Variants in ARFGEF3 observed in about 807,000 individuals in gnomAD.
ARFGEF3 encodes the protein ARFGEF family member 3, also known as brefeldin A-inhibited guanine nucleotide-exchange protein 3.
In ARFGEF3, 96 loss-of-function variants were observed where a neutral mutation model predicts 221.7. The observed-to-expected ratio is 0.43, with a 90% CI of 0.37 to 0.51. The LOEUF (loss-of-function observed/expected upper bound fraction) is 0.51, where lower values mean the gene tolerates loss of function less well. Ranked by LOEUF, ARFGEF3 falls within the 20% of genes least tolerant of loss-of-function variation. The pLI is 0.00. For synonymous variants in ARFGEF3, 1,145 were observed against 1,126.8 expected (o/e 1.02, Z -0.32); for missense variants, 2,410 against 2,789.9 (o/e 0.86, Z 3.07).
chr6:138,229,671 G>C, intron 4 of ARFGEF3, 113 bp from the exon 5 acceptor site: 1 of 795,922 alleles, frequency 1.3e-6, no homozygotes, highest in Admixed American at 2.1e-5. Context: ...ATTAGGTAAA[G>C]CAAATAGCAA....
At position 138,255,723 on chromosome 6, in the gene ARFGEF3, AC is replaced by A. The variant is rs147530147; in HGVS notation, c.1064del (p.Pro355HisfsTer11). 3.1e-6 allele frequency: 5 copies of A among 1,601,798 alleles called. No homozygotes were observed. Among genetic ancestry groups the A allele is most frequent in the Non-Finnish European group, 4.3e-6 (5 of 1,171,832 alleles). On this transcript the variant is annotated frameshift_variant, in exon 10 of 34. Coordinates refer to ENST00000251691, the MANE Select transcript of ARFGEF3 (RefSeq NM_020340.5). LOFTEE classifies it high-confidence loss of function. The part of the protein sequence containing the change: ...LQSLYHRVLL[Y>X]PPPQHRVEAI... Reference sequence around the variant, plus strand: ...TCCCTCTACCACCGAGTGCTGCTCTACCCCCCACCCCAGCACCGGGTGGAAG... The same window carrying A: ...TCCCTCTACCACCGAGTGCTGCTCTACCCCCACCCCAGCACCGGGTGGAAG...
intron 8 of ARFGEF3, among the ~76,000 whole-genome samples, chr6:138,249,020 C>T (rs1450625030): frequency 1.3e-5 from 2 of 152,112 alleles, no homozygotes; most frequent in East Asian, 3.9e-4. Flanking sequence ...TCCAGCCACC[C>T]AGGAACCCCC....
chr6:138,298,140 T>A (rs1277362081), intron 21 of ARFGEF3, among the ~76,000 whole-genome samples: 2 of 152,190 alleles, frequency 1.3e-5, no homozygotes, highest in Non-Finnish European at 2.9e-5. Context: ...AGGAAAGGAT[T>A]ACTCAAGAGC....
At chr6:138,328,249 A>AT (rs1562217970) in intron 32 of ARFGEF3, 107 bp downstream of exon 32, 10 of 1,294,116 alleles carry the variant, frequency 7.7e-6, no homozygotes, top group Admixed American at 5.7e-5. Flanking sequence ...TACTGAAAAC[A>AT]TTTGTGGAGT....
chr6:138,264,146 G>A (rs1405495156), intron 12 of ARFGEF3, among the ~76,000 whole-genome samples: 1 of 152,108 alleles, frequency 6.6e-6, no homozygotes, highest in Non-Finnish European at 1.5e-5. Flanking sequence ...CCTTCCATCT[G>A]TTGAATTGTG....
intron 4 of ARFGEF3, among the ~76,000 whole-genome samples, chr6:138,222,161 G>A (rs962887750): frequency 1.3e-5 from 2 of 152,132 alleles, no homozygotes; most frequent in Admixed American, 6.5e-5. Context: ...TAGAGCAGGG[G>A]CTTCCAATCT....
chr6:138,209,778 G>A, intron 3 of ARFGEF3, 132 bp from the exon 4 acceptor site: 8 of 1,159,752 alleles, frequency 6.9e-6, no homozygotes, highest in African/African-American at 1.5e-5. Flanking sequence ...CATAGCGTAA[G>A]TTCTTTCTTA....
chr6:138,299,198 TAAAAAAA>T (rs60475752), intron 22 of ARFGEF3, among the ~76,000 whole-genome samples: 923 of 39,412 alleles, frequency 0.023, 27 homozygotes, highest in African/African-American at 0.058. Context: ...CGAGACTCTG[TAAAAAAA>T]AAAAAAAAAA....
intron 1 of ARFGEF3, among the ~76,000 whole-genome samples, chr6:138,168,318 A>G (rs918593305): frequency 2.6e-5 from 4 of 152,248 alleles, no homozygotes; most frequent in African/African-American, 9.6e-5. Flanking sequence ...CCATTTAAAT[A>G]GGGTATTCAC....
chr6:138,226,284 G>A lies in ARFGEF3; in HGVS notation c.352-3500G>A, dbSNP rs948070811. Among the ~76,000 whole-genome samples the A allele has an allele frequency of 6.6e-5, 10 of 152,156 alleles. No individual in the cohort carries two copies. In the East Asian group the frequency reaches 1.5e-3, roughly 23 times the overall value. On this transcript the variant is annotated intron_variant, in intron 4 of 33. Transcript: ENST00000251691. ...CACATTTTCTGGATTGTTGTCACTT[G>A]TGCCAAAATCTTGCAATAAATCAGC...
rs1423103567 is a variant in ARFGEF3 at position 138,317,262 on chromosome 6, G to A, written c.4357G>A (p.Val1453Ile). 6.2e-7 allele frequency: 1 copy of A among 1,613,606 alleles called. No individual in the cohort carries two copies. The highest frequency in any genetic ancestry group is 8.5e-7 in the Non-Finnish European group (1 of 1,179,840). ...DFDDDTGLIE[V>I]WIILLEQLTA... is the part of the protein sequence containing the mutation. ...TTTTTGGTTTCCAGGTCTGATAGAAGTCTGGATAATCCTGCTGGAGCAGCT... is the reference window on the plus strand; with the variant it reads ...TTTTTGGTTTCCAGGTCTGATAGAAATCTGGATAATCCTGCTGGAGCAGCT... Residue 1453 changes from valine (V) to isoleucine (I), a missense_variant, in exon 27 of 34, where the codon GTC (valine) becomes ATC (isoleucine). Val to Ile is a conservative substitution (Grantham distance 29). Around this residue, in one of 5 missense-constraint regions of ARFGEF3, gnomAD observed 723 missense variants for 991.9 expected, o/e 0.73. Coordinates refer to ENST00000251691, the MANE Select transcript of ARFGEF3 (RefSeq NM_020340.5).
At position 138,263,208 on chromosome 6, in the gene ARFGEF3, T is replaced by A. The variant is rs1441967548; in HGVS notation, c.1725T>A (p.Thr575=). ...ACACGGTCCCTTACCCTGACATAAC[T>A]AACTTCCTGTCAGTAGACTGCAGGA... ...RSHTVPYPDI[T]NFLSVDCRTR... The change falls in exon 12 of 34, where the codon ACT becomes ACA. Residue 575 remains threonine, a synonymous_variant. Coordinates refer to ENST00000251691, the MANE Select transcript of ARFGEF3 (RefSeq NM_020340.5). 1 of 1,614,002 alleles carries A rather than the reference T, an allele frequency of 6.2e-7. No individual in the cohort carries two copies. The highest frequency in any genetic ancestry group is 1.7e-5 in the Admixed American group (1 of 60,022).
chr6:138,336,509 A>G lies in ARFGEF3; in HGVS notation c.*23A>G, dbSNP rs773041667. The G allele has an allele frequency of 1.3e-6, 2 of 1,575,650 alleles. No homozygotes were observed. The highest frequency in any genetic ancestry group is 2.4e-5 in the South Asian group (2 of 84,524). On this transcript the variant is annotated 3_prime_UTR_variant, in exon 34 of 34. Coordinates refer to ENST00000251691, the MANE Select transcript of ARFGEF3 (RefSeq NM_020340.5). Reference sequence around the variant, plus strand: ...TAGCCGACTCCTGTTCTACTCTCCCACCAAATAACAGTAGTGAGGGTTAGA... The same window carrying G: ...TAGCCGACTCCTGTTCTACTCTCCCGCCAAATAACAGTAGTGAGGGTTAGA...
intron 4 of ARFGEF3, chr6:138,218,279 T>G (rs768547108): frequency 6.2e-7 from 1 of 1,603,300 alleles, no homozygotes; most frequent in Non-Finnish European, 8.5e-7. Flanking sequence ...TTTCTGGAGC[T>G]AGAATGCCTG....
chr6:138,270,458 ACAC>A, intron 12 of ARFGEF3, among the ~76,000 whole-genome samples: 1 of 132,254 alleles, frequency 7.6e-6, no homozygotes, highest in South Asian at 2.1e-4. Context: ...ACACACACAC[ACAC>A]ACATATATAT....
chr6:138,245,612 C>A, intron 8 of ARFGEF3, 21 bp downstream of exon 8: 2 of 1,571,234 alleles, frequency 1.3e-6, no homozygotes, highest in Non-Finnish European at 1.7e-6. Flanking sequence ...TAACCACTGC[C>A]GCTTTTCTTT....
intron 30 of ARFGEF3, 98 bp from the exon 31 acceptor site, chr6:138,323,925 G>T: frequency 6.4e-7 from 1 of 1,565,214 alleles, no homozygotes. Flanking sequence ...TGCTGGGTCA[G>T]TACTTTTGTC....
rs200374667 is a variant in ARFGEF3, at chr6:138,336,307, A to G, written c.6355A>G (p.Met2119Val). ...AEAQIQAWTNMVLTVLNQIQI... is the reference protein window; with the variant it reads ...AEAQIQAWTNVVLTVLNQIQI... ...TCTTTTCTCTTAGGCATGGACCAAC[A>G]TGGTGCTAACAGTTCTCAATCAGAT... Residue 2119 changes from methionine (M) to valine (V), a missense_variant, in exon 34 of 34, where the codon ATG becomes GTG. Met to Val is a conservative substitution (Grantham distance 21). Coordinates refer to ENST00000251691, the MANE Select transcript of ARFGEF3 (RefSeq NM_020340.5). The G allele has an allele frequency of 1.3e-6, 2 of 1,568,448 alleles. No homozygotes were observed. The highest frequency in any genetic ancestry group is 1.9e-5 in the Admixed American group (1 of 53,568).
chr6:138,162,031 C>G lies in ARFGEF3; in HGVS notation c.-56C>G, dbSNP rs1023919750. ...CCAGGCAGCGGCGGCTTCCCCGGCC[C>G]GGCTCGCCCGCGCTTCTCTCCCTGT... On this transcript the variant is annotated 5_prime_UTR_variant, in exon 1 of 34. Transcript: ENST00000251691. The surrounding 1 kb of genome is among the most constrained non-coding windows in gnomAD (Gnocchi z 4.7). 2.9e-6 allele frequency: 4 copies of G among 1,362,918 alleles called. No homozygotes were observed. Among genetic ancestry groups the G allele is most frequent in the Non-Finnish European group, 4.0e-6 (4 of 1,009,208 alleles). The allele number at this position is 1,362,918 out of a possible 1,614,324, so 84.4% of individuals were successfully genotyped here.
Sources: allele counts gnomAD v4.1 joint callset (sites outside exome capture counted in the v4.1 genomes callset), GRCh38; gene constraint gnomAD v4.1.1; regional missense constraint gnomAD v4.1.1; non-coding constraint Gnocchi (gnomAD v3.1); transcripts MANE v1.5; gene names NCBI Gene and HGNC (gene_info 2026-07-23, HGNC 2026-07-21).